CACNA1B: variants seen among roughly 807,000 people sequenced by gnomAD.
CACNA1B encodes voltage-dependent N-type calcium channel subunit alpha-1B.
CACNA1B carries 70 observed loss-of-function variants against 247.2 expected under a neutral mutation model. The observed-to-expected ratio is 0.28, with a 90% CI of 0.23 to 0.35. CACNA1B has a LOEUF of 0.35. Ranked by LOEUF, CACNA1B falls within the 10% of genes least tolerant of loss-of-function variation. The pLI, the probability that CACNA1B is intolerant of heterozygous loss-of-function variation, is 1.00. For synonymous variants in CACNA1B, 1,231 were observed against 1,294.4 expected, an observed-to-expected ratio of 0.95 and a Z score of 1.05; for missense variants, 2,367 against 3,197.4, an observed-to-expected ratio of 0.74 and a Z score of 6.26.
chr9:138,033,836 C>T (rs1362292174), intron 20 of CACNA1B, among the ~76,000 whole-genome samples: 1 of 152,138 alleles, frequency 6.6e-6, no homozygotes, highest in Non-Finnish European at 1.5e-5. Context: ...CCAATTACCT[C>T]CATCTGGTCT....
chr9:138,101,546 GA>G (rs2131348548), intron 37 of CACNA1B, among the ~76,000 whole-genome samples: 1 of 152,384 alleles, frequency 6.6e-6, no homozygotes, highest in African/African-American at 2.4e-5. Flanking sequence ...GCCAAAGGCC[GA>G]GGGCCCCAGA....
At chr9:138,005,969 G>A (rs1457661353) in intron 15 of CACNA1B, among the ~76,000 whole-genome samples, 1 of 151,302 alleles carries the variant, frequency 6.6e-6, no homozygotes, top group Non-Finnish European at 1.5e-5. Flanking sequence ...CGTGAACCTG[G>A]GAGACGGAGC....
intron 15 of CACNA1B, among the ~76,000 whole-genome samples, chr9:137,988,482 G>A (rs1212943901): frequency 6.6e-6 from 1 of 152,182 alleles, no homozygotes; most frequent in Non-Finnish European, 1.5e-5. Context: ...AGGGAGAGAA[G>A]TTGAAGTTGG....
At position 138,020,674 on chromosome 9, in the gene CACNA1B, G is replaced by A. The variant is rs964533446; in HGVS notation, c.2268-2337G>A. Among the ~76,000 whole-genome samples, 5 of 152,168 alleles carry A rather than the reference G, an allele frequency of 3.3e-5. No individual in the cohort carries two copies. Among genetic ancestry groups the A allele is most frequent in the African/African-American group, 7.2e-5 (3 of 41,438 alleles). Reference sequence around the variant, plus strand: ...TGGAACCAGTGGGGCTGCGGGGGGCGGGCAGGTGCCCTAGCGTAGGCTGCT... The same window carrying A: ...TGGAACCAGTGGGGCTGCGGGGGGCAGGCAGGTGCCCTAGCGTAGGCTGCT... On this transcript the variant is annotated intron_variant, in intron 18 of 46. Coordinates refer to ENST00000371372, the MANE Select transcript of CACNA1B (RefSeq NM_000718.4). This position sits in a 1 kb window ranked among gnomAD's most constrained non-coding sequence, Gnocchi z 4.1.
intron 6 of CACNA1B, among the ~76,000 whole-genome samples, chr9:137,936,329 TG>T: frequency 6.6e-6 from 1 of 152,202 alleles, no homozygotes. Context: ...TTGATGGGGT[TG>T]TTTGATTTTT....
At chr9:138,061,202 A>G (rs973669189) in intron 31 of CACNA1B, among the ~76,000 whole-genome samples, 1 of 152,196 alleles carries the variant, frequency 6.6e-6, no homozygotes, top group African/African-American at 2.4e-5. Flanking sequence ...TCTGGCTGGC[A>G]TGGAAACTCT....
At position 138,121,490 on chromosome 9, in the gene CACNA1B, A is replaced by G. The variant is rs1589141664; in HGVS notation, c.6511A>G (p.Ser2171Gly). 1 of 1,503,310 alleles carries G rather than the reference A, an allele frequency of 6.7e-7. No individual in the cohort carries two copies. The highest frequency in any genetic ancestry group is 1.3e-5 in the South Asian group (1 of 76,958). 93.1% of individuals were successfully genotyped at this position (1,503,310 alleles called of 1,614,324 possible). ...GTAGGGCAGTGGTTCCGTGAATGGG[A>G]GCCCCTTGCTGTCAACATCTGGTGC... ...HPQGSGSVNG[S>G]PLLSTSGAST... Residue 2171 changes from serine to glycine, a missense_variant, in exon 47 of 47, where the codon AGC becomes GGC. By Grantham distance (56) the Ser-to-Gly change is moderately conservative. Around this residue, in one of 12 missense-constraint regions of CACNA1B, gnomAD observed 773 missense variants for 779.4 expected, o/e 0.99. Coordinates refer to ENST00000371372, the MANE Select transcript of CACNA1B (RefSeq NM_000718.4). The surrounding 1 kb of genome is among the most constrained non-coding windows in gnomAD (Gnocchi z 6.8).
rs1427529832 is a variant in CACNA1B, at chr9:138,020,988, C to T, written c.2268-2023C>T. On this transcript the variant is annotated intron_variant, in intron 18 of 46. Coordinates refer to ENST00000371372, the MANE Select transcript of CACNA1B (RefSeq NM_000718.4). The surrounding 1 kb of genome is among the most constrained non-coding windows in gnomAD (Gnocchi z 4.1). Reference sequence around the variant, plus strand: ...CATCAGAGCGGGCCACCCTGCTGACCAAGTGGCTCAGAGCCCAGGCCCCTC... The same window carrying T: ...CATCAGAGCGGGCCACCCTGCTGACTAAGTGGCTCAGAGCCCAGGCCCCTC... Among the ~76,000 whole-genome samples, 1 of 152,222 alleles carries T rather than the reference C, an allele frequency of 6.6e-6. No individual in the cohort carries two copies. The highest frequency in any genetic ancestry group is 2.4e-5 in the African/African-American group (1 of 41,462).
At chr9:138,084,853 G>A (rs1351646237) in intron 36 of CACNA1B, among the ~76,000 whole-genome samples, 1 of 150,516 alleles carries the variant, frequency 6.6e-6, no homozygotes, top group Admixed American at 6.6e-5. Context: ...TCGGGAGGCT[G>A]AGGCAAGAGA....
chr9:137,985,725 C>T (rs1391836946), intron 13 of CACNA1B, among the ~76,000 whole-genome samples: 2 of 152,202 alleles, frequency 1.3e-5, no homozygotes, highest in Non-Finnish European at 2.9e-5. Flanking sequence ...TGCAGAGGCA[C>T]AGGGACATGA....
rs765238362 is a variant in CACNA1B, at chr9:138,102,162, T to G, written c.5223-549T>G. On this transcript the variant is annotated intron_variant, in intron 37 of 46. Transcript: ENST00000371372. The surrounding 1 kb of genome is among the most constrained non-coding windows in gnomAD (Gnocchi z 5.4). ...CTGTACAGCTTCAGGGCTCCCTGTT[T>G]AGTTTTCTGGTTTGTTTCAGATCTT... Among the ~76,000 whole-genome samples the G allele has an allele frequency of 1.3e-5, 2 of 152,146 alleles. No homozygotes were observed. The highest frequency in any genetic ancestry group is 2.9e-5 in the Non-Finnish European group (2 of 68,010).
chr9:137,898,945 AT>A (rs1171909816), intron 3 of CACNA1B, among the ~76,000 whole-genome samples: 1 of 151,596 alleles, frequency 6.6e-6, no homozygotes, highest in African/African-American at 2.4e-5. Context: ...CTCCCTAAAA[AT>A]TTTTTTGTTG....
intron 44 of CACNA1B, 128 bp from the exon 45 acceptor site, chr9:138,120,036 CT>C: frequency 1.3e-6 from 1 of 788,812 alleles, no homozygotes; most frequent in South Asian, 1.7e-5. Context: ...CTGGGTCCTT[CT>C]GACTGTGAGA....
chr9:138,074,823 G>A (rs1354717731), intron 34 of CACNA1B, among the ~76,000 whole-genome samples: 2 of 152,228 alleles, frequency 1.3e-5, no homozygotes, highest in African/African-American at 2.4e-5. Flanking sequence ...AGTGGCGGTC[G>A]GTTATCCTGT....
At chr9:138,055,445 A>G (rs1200537711) in intron 26 of CACNA1B, among the ~76,000 whole-genome samples, 1 of 152,008 alleles carries the variant, frequency 6.6e-6, no homozygotes, top group Non-Finnish European at 1.5e-5. Flanking sequence ...TCTTGATTTT[A>G]ATAGAGTCCA....
intron 20 of CACNA1B, among the ~76,000 whole-genome samples, chr9:138,040,274 C>T (rs989187869): frequency 5.3e-5 from 8 of 152,000 alleles, no homozygotes; most frequent in Non-Finnish European, 2.9e-5. Flanking sequence ...TCTAAGAATT[C>T]CTGTATCTGA....
At chr9:138,002,544 CAAAAAA>C (rs554684903) in intron 15 of CACNA1B, among the ~76,000 whole-genome samples, 1 of 97,076 alleles carries the variant, frequency 1.0e-5, no homozygotes, top group Non-Finnish European at 2.3e-5. Flanking sequence ...AGCCCATATC[CAAAAAA>C]AAAAAAAAAA....
chr9:138,034,470 TG>T (rs1489866434), intron 20 of CACNA1B, among the ~76,000 whole-genome samples: 1 of 151,294 alleles, frequency 6.6e-6, no homozygotes, highest in Non-Finnish European at 1.5e-5. Context: ...TTTTTTGGCT[TG>T]TGTGTGTAGT....
chr9:137,933,049 C>A (rs1428820426), intron 6 of CACNA1B, among the ~76,000 whole-genome samples: 1 of 152,202 alleles, frequency 6.6e-6, no homozygotes, highest in African/African-American at 2.4e-5. Flanking sequence ...TCTTCTGCCT[C>A]AGCCTCCTGA....
Sources: gnomAD v4.1 joint callset for allele counts (sites outside exome capture counted in the v4.1 genomes callset) on GRCh38, gnomAD v4.1.1 for gene constraint, gnomAD v4.1.1 regional missense constraint, Gnocchi (gnomAD v3.1) non-coding constraint, MANE v1.5 for transcripts, NCBI Gene and HGNC (gene_info 2026-07-23, HGNC 2026-07-21) for gene names.